The following ZFHX3 variants were observed in gnomAD, a reference collection of about 807,000 sequenced individuals.
ZFHX3 encodes the protein zinc finger homeobox 3, also known as zinc finger homeobox protein 3.
Under a neutral mutation model 279.1 loss-of-function variants are expected in ZFHX3, and 42 were observed. The observed-to-expected ratio is 0.15, with a 90% CI of 0.12 to 0.19. ZFHX3 has a LOEUF of 0.19. ZFHX3 is among the 10% of genes least tolerant of loss of function. The pLI is 1.00. For synonymous variants in ZFHX3, 2,293 were observed against 1,957.8 expected, an observed-to-expected ratio of 1.17 and a Z score of -4.52; for missense variants, 4,981 against 4,754.0, an observed-to-expected ratio of 1.05 and a Z score of -1.40.
intron 2 of ZFHX3, among the ~76,000 whole-genome samples, chr16:73,505,122 G>A (rs921861908): frequency 6.6e-6 from 1 of 152,042 alleles, no homozygotes; most frequent in Non-Finnish European, 1.5e-5. Flanking sequence ...TATCATATCT[G>A]CTGACCCTAT....
At chr16:73,124,533 A>C (rs1966538610) in intron 7 of ZFHX3, among the ~76,000 whole-genome samples, 1 of 152,218 alleles carries the variant, frequency 6.6e-6, no homozygotes. Context: ...AGGCAGGTTC[A>C]GTCCCACCAC....
chr16:73,474,667 C>T (rs941222013), intron 2 of ZFHX3, among the ~76,000 whole-genome samples: 6 of 152,182 alleles, frequency 3.9e-5, no homozygotes, highest in African/African-American at 1.4e-4. Context: ...TGGGTCCCCT[C>T]CAGGTCTCCA....
At chr16:73,503,694 T>C (rs1488760325) in intron 2 of ZFHX3, among the ~76,000 whole-genome samples, 1 of 152,190 alleles carries the variant, frequency 6.6e-6, no homozygotes, top group Non-Finnish European at 1.5e-5. Flanking sequence ...ATCAAATGCA[T>C]ATCTACGCAA....
chr16:73,320,221 A>G (rs995894768), intron 3 of ZFHX3, among the ~76,000 whole-genome samples: 1 of 152,224 alleles, frequency 6.6e-6, no homozygotes, highest in Non-Finnish European at 1.5e-5. Flanking sequence ...TCATCGTTCA[A>G]ATCAGCCCAT....
intron 4 of ZFHX3, among the ~76,000 whole-genome samples, chr16:72,858,580 T>C (rs1295116734): frequency 6.6e-6 from 1 of 152,250 alleles, no homozygotes; most frequent in African/African-American, 2.4e-5. Context: ...AGCCAAGTTA[T>C]GAATGACCTT....
intron 2 of ZFHX3, among the ~76,000 whole-genome samples, chr16:73,492,321 G>C (rs2019068507): frequency 6.6e-6 from 1 of 152,100 alleles, no homozygotes; most frequent in South Asian, 2.1e-4. Context: ...GCTCCCACAA[G>C]ACTTCGGACT....
At chr16:73,161,320 AGTC>A (rs1967230242) in intron 5 of ZFHX3, among the ~76,000 whole-genome samples, 1 of 152,248 alleles carries the variant, frequency 6.6e-6, no homozygotes, top group Non-Finnish European at 1.5e-5. Context: ...TCCTTCATAA[AGTC>A]GTCTCCAACC....
At chr16:73,481,607 C>T (rs1007652461) in intron 2 of ZFHX3, among the ~76,000 whole-genome samples, 2 of 148,284 alleles carry the variant, frequency 1.3e-5, no homozygotes, top group Non-Finnish European at 3.0e-5. Flanking sequence ...GGTTAATGTG[C>T]GTGGTGTTGT....
At chr16:73,413,204 A>G (rs1437125865) in intron 3 of ZFHX3, among the ~76,000 whole-genome samples, 1 of 152,248 alleles carries the variant, frequency 6.6e-6, no homozygotes, top group African/African-American at 2.4e-5. Flanking sequence ...AAAATAGGTA[A>G]TAGTTCAAGA....
At chr16:73,318,859 G>C (rs1056827167) in intron 3 of ZFHX3, among the ~76,000 whole-genome samples, 1 of 152,124 alleles carries the variant, frequency 6.6e-6, no homozygotes, top group African/African-American at 2.4e-5. Flanking sequence ...GAACTTTTCA[G>C]CGCCCCTGCA....
At chr16:73,337,892 C>CGGGT (rs1555510885) in intron 3 of ZFHX3, among the ~76,000 whole-genome samples, 11 of 79,162 alleles carry the variant, frequency 1.4e-4, no homozygotes, top group Non-Finnish European at 3.0e-4. Context: ...CTTCCCTTGG[C>CGGGT]GGGGGGGGGG....
Position 72,794,431 on chromosome 16 carries a change from G to C in ZFHX3, c.8251C>G (p.Leu2751Val). The change falls in exon 9 of 10, where the codon CTC (leucine) becomes GTC (valine). Residue 2751 changes from leucine (L) to valine (V), a missense_variant. By Grantham distance (32) the Leu-to-Val change is conservative. Transcript: ENST00000268489. This position sits in a 1 kb window ranked among gnomAD's most constrained non-coding sequence, Gnocchi z 4.2. ...AGYNLTLSAM[L>V]LDCDGGLQMK... ...TGGAGTCCCCCATCACAGTCTAAGA[G>C]CATCGCAGACAGAGTTAGGTTGTAG... The C allele has an allele frequency of 6.2e-7, 1 of 1,613,714 alleles. No individual in the cohort carries two copies. Among genetic ancestry groups the C allele is most frequent in the Non-Finnish European group, 8.5e-7 (1 of 1,179,812 alleles).
At chr16:73,020,614 T>C (rs749264895) in intron 1 of ZFHX3, among the ~76,000 whole-genome samples, 1 of 152,190 alleles carries the variant, frequency 6.6e-6, no homozygotes, top group African/African-American at 2.4e-5. Context: ...GACTCAGCAA[T>C]AGTCATCGAA....
intron 7 of ZFHX3, chr16:73,130,820 C>CTGGTCTCGAACTCCTGACCTCAGG (rs1183811618): frequency 1.3e-5 from 6 of 453,130 alleles, no homozygotes; most frequent in Non-Finnish European, 2.0e-5. Flanking sequence ...GTTGGCCAGG[C>CTGGTCTCGAACTCCTGACCTCAGG]TGGTCTCGAA....
intron 3 of ZFHX3, among the ~76,000 whole-genome samples, chr16:72,923,605 C>A (rs1345408759): frequency 6.6e-6 from 1 of 151,898 alleles, no homozygotes; most frequent in African/African-American, 2.4e-5. Context: ...CGTCTCTGAG[C>A]CTGTTTTATA....
At chr16:73,729,207 T>G (rs1231312170) in intron 1 of ZFHX3, among the ~76,000 whole-genome samples, 1 of 152,170 alleles carries the variant, frequency 6.6e-6, no homozygotes, top group Non-Finnish European at 1.5e-5. Flanking sequence ...CTGGCTGCCT[T>G]CCTTCCCTGC....
chr16:73,026,937 T>C (rs1415754877), intron 1 of ZFHX3, among the ~76,000 whole-genome samples: 1 of 152,120 alleles, frequency 6.6e-6, no homozygotes, highest in Non-Finnish European at 1.5e-5. Context: ...TTGGCAAACT[T>C]TTCCCATAAA....
intron 2 of ZFHX3, among the ~76,000 whole-genome samples, chr16:73,564,754 C>T (rs1260992867): frequency 6.6e-6 from 1 of 152,198 alleles, no homozygotes; most frequent in Non-Finnish European, 1.5e-5. Context: ...GAGGTCTCTA[C>T]ACCTAGTGTT....
At chr16:73,815,065 T>C (rs958350974) in intron 1 of ZFHX3, among the ~76,000 whole-genome samples, 1 of 152,222 alleles carries the variant, frequency 6.6e-6, no homozygotes, top group African/African-American at 2.4e-5. Context: ...AGATAATGTG[T>C]AACTTACGGA....
Sources: gnomAD v4.1 joint callset for allele counts (sites outside exome capture counted in the v4.1 genomes callset) on GRCh38, gnomAD v4.1.1 for gene constraint, Gnocchi (gnomAD v3.1) non-coding constraint, MANE v1.5 for transcripts, NCBI Gene and HGNC (gene_info 2026-07-23, HGNC 2026-07-21) for gene names.